The following PRKCI variants were observed in gnomAD, a reference collection of about 807,000 sequenced individuals.
The protein encoded by PRKCI is protein kinase C iota type.
Under a neutral mutation model 84.0 loss-of-function variants are expected in PRKCI, and 43 were observed. That is an observed-to-expected ratio of 0.51 (90% CI 0.40 to 0.66). The LOEUF is 0.66. Ranked by LOEUF, PRKCI falls within the 30% of genes least tolerant of loss-of-function variation. PRKCI has a pLI of 0.00. For missense variants in PRKCI, 459 were observed against 745.6 expected, an observed-to-expected ratio of 0.62 and a Z score of 4.48; for synonymous variants, 216 against 234.4, an observed-to-expected ratio of 0.92 and a Z score of 0.72.
At chr3:170,292,891 A>G (rs1734591491) in intron 13 of PRKCI, among the ~76,000 whole-genome samples, 1 of 149,014 alleles carries the variant, frequency 6.7e-6, no homozygotes, top group African/African-American at 2.5e-5. Context: ...AACACAAAAA[A>G]TTAGCCGGGC....
At chr3:170,230,132 C>CT in intron 1 of PRKCI, among the ~76,000 whole-genome samples, 1 of 147,400 alleles carries the variant, frequency 6.8e-6, no homozygotes, top group East Asian at 2.0e-4. Flanking sequence ...TGTTTTTCAT[C>CT]TAAAAATATT....
At chr3:170,267,784 G>A (rs1466871984) in intron 4 of PRKCI, 131 bp from the exon 5 acceptor site, 8 of 482,088 alleles carry the variant, frequency 1.7e-5, no homozygotes, top group Non-Finnish European at 2.8e-5. Flanking sequence ...TTTATTTTTT[G>A]ACGTTCAGGT....
At chr3:170,255,348 C>T (rs1309080542) in intron 2 of PRKCI, among the ~76,000 whole-genome samples, 4 of 152,012 alleles carry the variant, frequency 2.6e-5, no homozygotes, top group African/African-American at 9.7e-5. Context: ...GTGTGAGCCA[C>T]CGCGCCTGGC....
chr3:170,227,208 T>G (rs995771150), intron 1 of PRKCI, among the ~76,000 whole-genome samples: 11 of 152,156 alleles, frequency 7.2e-5, no homozygotes, highest in African/African-American at 2.4e-4. Context: ...TGAGCCTAAT[T>G]TAAACATAGA....
At position 170,222,809 on chromosome 3, in the gene PRKCI, A is replaced by C. The variant is rs200993189; in HGVS notation, c.101+39A>C. 14 of 1,172,094 alleles carry C rather than the reference A, an allele frequency of 1.2e-5. No individual in the cohort carries two copies. The East Asian group carries it at 6.3e-4, about 53-fold the overall frequency. The allele number at this position is 1,172,094 out of a possible 1,614,324, so 72.6% of individuals were successfully genotyped here. A position where few individuals can be genotyped will look rare whatever the true frequency, so the allele number is the denominator to read the frequency against. Reference sequence around the variant, plus strand: ...GACAGGGCGGTGGGCGGGAGGGGACAGGCCGGCTCCACTCGGCCTGGAGGA... The same window carrying C: ...GACAGGGCGGTGGGCGGGAGGGGACCGGCCGGCTCCACTCGGCCTGGAGGA... On this transcript the variant is annotated intron_variant, in intron 1 of 17. Coordinates refer to ENST00000295797, the MANE Select transcript of PRKCI (RefSeq NM_002740.6).
chr3:170,292,229 T>G (rs900271096), intron 13 of PRKCI, among the ~76,000 whole-genome samples: 1 of 152,212 alleles, frequency 6.6e-6, no homozygotes, highest in African/African-American at 2.4e-5. Flanking sequence ...GTTAATCCTC[T>G]TAACAACCCT....
intron 1 of PRKCI, among the ~76,000 whole-genome samples, chr3:170,228,590 TAC>T (rs1732695388): frequency 7.1e-6 from 1 of 141,458 alleles, no homozygotes; most frequent in African/African-American, 2.7e-5. Flanking sequence ...CACACAGACA[TAC>T]ACACACACAA....
intron 12 of PRKCI, among the ~76,000 whole-genome samples, chr3:170,286,807 C>T (rs1400223849): frequency 5.5e-5 from 8 of 146,648 alleles, no homozygotes; most frequent in Non-Finnish European, 1.2e-4. Flanking sequence ...TTTATTTTTA[C>T]TTTCTTTTTT....
intron 12 of PRKCI, 56 bp downstream of exon 12, chr3:170,284,652 A>G (rs1734328689): frequency 1.3e-6 from 2 of 1,524,342 alleles, no homozygotes; most frequent in East Asian, 2.3e-5. Flanking sequence ...TAGTCTTTGT[A>G]AAATAACTTC....
intron 2 of PRKCI, among the ~76,000 whole-genome samples, chr3:170,238,142 G>A (rs1214984341): frequency 2.0e-5 from 3 of 152,060 alleles, no homozygotes; most frequent in African/African-American, 7.2e-5. Flanking sequence ...GCGGGTGGAT[G>A]GCCTGAGGTC....
chr3:170,240,171 GAT>G (rs1040824571), intron 2 of PRKCI, among the ~76,000 whole-genome samples: 1 of 151,992 alleles, frequency 6.6e-6, no homozygotes, highest in African/African-American at 2.4e-5. Context: ...CCAAAAAAAA[GAT>G]ATATGTGTAT....
At chr3:170,232,237 G>C (rs955405510) in intron 1 of PRKCI, among the ~76,000 whole-genome samples, 1 of 152,008 alleles carries the variant, frequency 6.6e-6, no homozygotes, top group Non-Finnish European at 1.5e-5. Context: ...TTTTTGTAGA[G>C]ACAAGGTCTC....
intron 13 of PRKCI, among the ~76,000 whole-genome samples, chr3:170,292,950 A>G (rs908388248): frequency 1.2e-4 from 18 of 150,038 alleles, no homozygotes; most frequent in African/African-American, 4.2e-4. Flanking sequence ...CCGAGGCAGG[A>G]GAATGGCGTG....
intron 1 of PRKCI, among the ~76,000 whole-genome samples, chr3:170,223,522 T>A (rs1395617588): frequency 6.6e-6 from 1 of 152,226 alleles, no homozygotes; most frequent in African/African-American, 2.4e-5. Context: ...CTTACTATGG[T>A]TACAAGAAAA....
At chr3:170,270,321 A>T in intron 5 of PRKCI, 100 bp from the exon 6 acceptor site, 1 of 1,184,090 alleles carries the variant, frequency 8.4e-7, no homozygotes. Flanking sequence ...TTGTGGGCTG[A>T]CAGTTGACAC....
intron 16 of PRKCI, among the ~76,000 whole-genome samples, chr3:170,298,045 G>A (rs1278493959): frequency 6.6e-6 from 1 of 150,876 alleles, no homozygotes; most frequent in Non-Finnish European, 1.5e-5. Context: ...GCTAATTTTT[G>A]TATTTTTAGT....
At chr3:170,243,085 A>G (rs745397270) in intron 2 of PRKCI, among the ~76,000 whole-genome samples, 1 of 152,118 alleles carries the variant, frequency 6.6e-6, no homozygotes, top group Non-Finnish European at 1.5e-5. Context: ...TACATAATAT[A>G]TATAATAAGT....
chr3:170,261,491 A>G (rs1009361796), intron 3 of PRKCI, among the ~76,000 whole-genome samples: 1 of 134,124 alleles, frequency 7.5e-6, no homozygotes, highest in African/African-American at 2.7e-5. Context: ...GTTTGATTTT[A>G]TATTTTATTT....
rs763947334 is a variant in PRKCI, at chr3:170,291,894, G to C, written c.1244G>C (p.Gly415Ala). The change falls in exon 13 of 18, where the codon GGT becomes GCT. Residue 415 changes from glycine (G) to alanine (A), a missense_variant. Around this residue, in one of 2 missense-constraint regions of PRKCI, gnomAD observed 209 missense variants for 425.9 expected, o/e 0.49. Coordinates refer to ENST00000295797, the MANE Select transcript of PRKCI (RefSeq NM_002740.6). ...RPGDTTSTFCGTPNYIAPEIL... is the reference protein window; with the variant it reads ...RPGDTTSTFCATPNYIAPEIL... ...GGAGATACAACCAGCACTTTCTGTG[G>C]TACTCCTAATTACATTGCTCCTGAA... 6.2e-7 allele frequency: 1 copy of C among 1,606,394 alleles called. No homozygotes were observed. Among genetic ancestry groups the C allele is most frequent in the South Asian group, 1.1e-5 (1 of 90,886 alleles).
Sources: allele counts gnomAD v4.1 joint callset (sites outside exome capture counted in the v4.1 genomes callset), GRCh38; gene constraint gnomAD v4.1.1; regional missense constraint gnomAD v4.1.1; transcripts MANE v1.5; gene names NCBI Gene and HGNC (gene_info 2026-07-23, HGNC 2026-07-21).